The following ADGRB1 variants were observed in gnomAD, a reference collection of about 807,000 sequenced individuals.
ADGRB1 encodes brain-specific angiogenesis inhibitor 1.
ADGRB1 carries 36 observed loss-of-function variants against 175.7 expected under a neutral mutation model. That is an observed-to-expected ratio of 0.20 (90% CI 0.16 to 0.27). The LOEUF is 0.27. Ranked by LOEUF, ADGRB1 falls within the 10% of genes least tolerant of loss-of-function variation. The pLI, the probability that ADGRB1 is intolerant of heterozygous loss-of-function variation, is 1.00. For synonymous variants in ADGRB1, 1,054 were observed against 979.4 expected, an observed-to-expected ratio of 1.08 and a Z score of -1.42; for missense variants, 1,731 against 2,255.3, an observed-to-expected ratio of 0.77 and a Z score of 4.71.
intron 17 of ADGRB1, among the ~76,000 whole-genome samples, chr8:142,501,821 G>A (rs1379758111): frequency 1.4e-4 from 9 of 63,782 alleles, no homozygotes; most frequent in African/African-American, 3.5e-4. Context: ...TGGTGGTGGT[G>A]ATGATGGGGT....
rs768708980 is a variant in ADGRB1, at chr8:142,478,304, C to A, written c.1505C>A (p.Ala502Glu). 2 of 1,610,200 alleles carry A rather than the reference C, an allele frequency of 1.2e-6. No homozygotes were observed. The highest frequency in any genetic ancestry group is 1.7e-6 in the Non-Finnish European group (2 of 1,178,776). The change falls in exon 7 of 31, where the codon GCG becomes GAG. Residue 502 changes from alanine (A) to glutamate (E), a missense_variant. Ala to Glu is a moderately radical substitution (Grantham distance 107). Transcript: ENST00000517894. ...RECNGPSYGGAECQGHWVETR... is the reference protein window; with the variant it reads ...RECNGPSYGGEECQGHWVETR... The stretch of plus-strand genomic sequence containing the variant: ...TGCAACGGGCCTTCCTACGGGGGTG[C>A]GGAGTGCCAGGGCCACTGGGTGGAG...
In ADGRB1 at chr8:142,491,595, C is replaced by T. The variant is rs547573765; in HGVS notation, c.2675+780C>T. Among the ~76,000 whole-genome samples, 35 of 152,306 alleles carry T rather than the reference C, an allele frequency of 2.3e-4. 1 individual carries two copies. The South Asian group carries it at 6.8e-3, about 30-fold the overall frequency. ...GCGATGGCGGCCGGGTCCCAACATG[C>T]GGCTCCGGCCTGAGGGGTCCTCAGT... is the stretch of plus-strand genomic sequence containing the variant. On this transcript the variant is annotated intron_variant, in intron 17 of 30. Transcript: ENST00000517894.
intron 1 of ADGRB1, among the ~76,000 whole-genome samples, chr8:142,458,190 G>A (rs181770964): frequency 8.6e-4 from 131 of 152,310 alleles, no homozygotes; most frequent in Non-Finnish European, 1.7e-3. Context: ...ACCCAGAGCG[G>A]GCATGGGGTG....
chr8:142,522,248 C>A, intron 21 of ADGRB1, 133 bp downstream of exon 21: 1 of 1,241,742 alleles, frequency 8.1e-7, no homozygotes, highest in Admixed American at 2.6e-5. Context: ...GGTGGGCTTC[C>A]CCCTCTGGGC....
At chr8:142,451,548 G>A (rs1207912786) in intron 1 of ADGRB1, among the ~76,000 whole-genome samples, 7 of 152,030 alleles carry the variant, frequency 4.6e-5, no homozygotes, top group Admixed American at 1.3e-4. Flanking sequence ...CTGCACTCCC[G>A]CCCCAGAGGA....
At chr8:142,505,398 G>A (rs1001199435) in intron 17 of ADGRB1, among the ~76,000 whole-genome samples, 8 of 152,300 alleles carry the variant, frequency 5.3e-5, no homozygotes, top group Admixed American at 2.0e-4. Context: ...CCCGAGCAGG[G>A]CTGGGCCCAG....
intron 22 of ADGRB1, 99 bp from the exon 23 acceptor site, chr8:142,524,139 T>G: frequency 7.4e-7 from 1 of 1,343,350 alleles, no homozygotes; most frequent in Non-Finnish European, 1.0e-6. Context: ...AGTTTTCTTC[T>G]GCCACTTCCC....
chr8:142,488,224 A>C (rs1587323742), intron 13 of ADGRB1, 140 bp from the exon 14 acceptor site: 1 of 1,219,854 alleles, frequency 8.2e-7, no homozygotes, highest in Non-Finnish European at 1.2e-6. Context: ...TGGCCCCCAC[A>C]CTCCTGCCTC....
chr8:142,529,574 CTG>C (rs1190651849), intron 24 of ADGRB1, among the ~76,000 whole-genome samples: 3 of 150,408 alleles, frequency 2.0e-5, no homozygotes, highest in Non-Finnish European at 3.0e-5. Context: ...GTGCAACCCA[CTG>C]TGCATGTGTG....
chr8:142,489,741 G>A (rs577521829), intron 16 of ADGRB1, among the ~76,000 whole-genome samples: 42 of 152,288 alleles, frequency 2.8e-4, no homozygotes, highest in African/African-American at 9.1e-4. Context: ...AGTGGAGCCC[G>A]TCCCATGACT....
At chr8:142,515,405 G>A (rs1269863804) in intron 18 of ADGRB1, among the ~76,000 whole-genome samples, 3 of 152,208 alleles carry the variant, frequency 2.0e-5, no homozygotes, top group Non-Finnish European at 2.9e-5. Flanking sequence ...CGTCGGGAGT[G>A]ACTGATGAGC....
At chr8:142,517,117 G>A (rs1200688690) in intron 18 of ADGRB1, among the ~76,000 whole-genome samples, 1 of 152,168 alleles carries the variant, frequency 6.6e-6, no homozygotes, top group Non-Finnish European at 1.5e-5. Flanking sequence ...AGAGCCCTGA[G>A]GGGAACCAGG....
chr8:142,467,203 T>G (rs1037519926), intron 2 of ADGRB1, among the ~76,000 whole-genome samples: 7 of 152,168 alleles, frequency 4.6e-5, no homozygotes, highest in East Asian at 1.9e-4. Context: ...CCGTGGGAGA[T>G]CCCACGTTAT....
intron 22 of ADGRB1, 126 bp from the exon 23 acceptor site, chr8:142,524,112 G>A (rs1390103835): frequency 9.5e-7 from 1 of 1,047,996 alleles, no homozygotes. Context: ...GCATGCCGAA[G>A]GCGCTTAATA....
chr8:142,502,463 G>GTGGTTT, intron 17 of ADGRB1, among the ~76,000 whole-genome samples: 1 of 248 alleles, frequency 4.0e-3, no homozygotes, highest in Non-Finnish European at 8.3e-3. Context: ...GGGTGGTGCA[G>GTGGTTT]TCATCACTGT....
chr8:142,526,504 C>T (rs771436032), intron 23 of ADGRB1, 38 bp from the exon 24 acceptor site: 4 of 786,136 alleles, frequency 5.1e-6, no homozygotes, highest in Non-Finnish European at 4.2e-6. Context: ...CCTACGGCGG[C>T]CCCCACCCCC....
At chr8:142,478,121 A>G in intron 6 of ADGRB1, 66 bp from the exon 7 acceptor site, 2 of 1,549,818 alleles carry the variant, frequency 1.3e-6, no homozygotes, top group Non-Finnish European at 1.7e-6. Context: ...GCTCACACCC[A>G]CATTCCAAGC....
At chr8:142,456,446 C>G (rs1475033576) in intron 1 of ADGRB1, among the ~76,000 whole-genome samples, 1 of 152,200 alleles carries the variant, frequency 6.6e-6, no homozygotes, top group Non-Finnish European at 1.5e-5. Context: ...TCCTCACCCC[C>G]CCGAAGCACA....
At chr8:142,473,827 C>T (rs371058684) in intron 2 of ADGRB1, among the ~76,000 whole-genome samples, 15 of 152,346 alleles carry the variant, frequency 9.8e-5, no homozygotes, top group African/African-American at 2.6e-4. Context: ...AAGTCCCTCT[C>T]CTGGGTCTCA....
Sources: allele counts gnomAD v4.1 joint callset (sites outside exome capture counted in the v4.1 genomes callset), GRCh38; gene constraint gnomAD v4.1.1; transcripts MANE v1.5; gene names NCBI Gene and HGNC (gene_info 2026-07-23, HGNC 2026-07-21).